NAPG: variants seen among roughly 807,000 people sequenced by gnomAD.
NAPG encodes gamma-soluble NSF attachment protein.
NAPG carries 25 observed loss-of-function variants against 48.4 expected under a neutral mutation model. The ratio of observed to expected loss-of-function variants is 0.52; its 90% confidence interval spans 0.38 to 0.72. The LOEUF (loss-of-function observed/expected upper bound fraction) is 0.72. Ranked by LOEUF, NAPG falls within the 30% of genes least tolerant of loss-of-function variation. The pLI, the probability that NAPG is intolerant of heterozygous loss-of-function variation, is 0.00. For missense variants in NAPG, 359 were observed against 372.5 expected (o/e 0.96, Z 0.30); for synonymous variants, 139 against 127.2 (o/e 1.09, Z -0.62).
chr18:10,529,559 C>T (rs540677351), intron 1 of NAPG, among the ~76,000 whole-genome samples: 6 of 152,098 alleles, frequency 3.9e-5, no homozygotes, highest in Non-Finnish European at 7.4e-5. Context: ...TTCGAGACCA[C>T]CTGGCCAACA....
In NAPG at chr18:10,532,790, T is replaced by C. The variant is rs780815873; in HGVS notation, c.204T>C (p.Asn68=). 3 of 1,571,624 alleles carry C rather than the reference T, an allele frequency of 1.9e-6. No homozygotes were observed. Among genetic ancestry groups the C allele is most frequent in the South Asian group, 2.4e-5 (2 of 84,642 alleles). Reference sequence around the variant, plus strand: ...GGGAAGCTGTTGCCCATGAAAATAATAGGGCGTATCTTTTTCAACTTTTAA... The same window carrying C: ...GGGAAGCTGTTGCCCATGAAAATAACAGGGCGTATCTTTTTCAACTTTTAA... ...CLREAVAHEN[N]RALFHAAKAY... is the part of the protein sequence containing the mutation. Residue 68 remains asparagine (N), a synonymous_variant, in exon 3 of 12, where the codon AAT becomes AAC. Coordinates refer to ENST00000322897, the MANE Select transcript of NAPG (RefSeq NM_003826.3).
intron 1 of NAPG, among the ~76,000 whole-genome samples, chr18:10,527,655 G>C (rs1157314922): frequency 6.6e-6 from 1 of 152,198 alleles, no homozygotes; most frequent in African/African-American, 2.4e-5. Flanking sequence ...GAAAAATACG[G>C]AATGTTTTAG....
In NAPG at chr18:10,542,754, G is replaced by T. The variant is rs2032182089; in HGVS notation, c.506+2355G>T. ...ATACTTTCTATGTTAGTGTAGCAAA[G>T]AATCTATTTAATATATTAATCTCTT... is the stretch of plus-strand genomic sequence containing the variant. On this transcript the variant is annotated intron_variant, in intron 8 of 11. Coordinates refer to ENST00000322897, the MANE Select transcript of NAPG (RefSeq NM_003826.3). The surrounding 1 kb of genome is among the most constrained non-coding windows in gnomAD (Gnocchi z 4.5). 6.6e-6 allele frequency among the ~76,000 whole-genome samples: 1 copy of T among 152,170 alleles called. No individual in the cohort carries two copies. The highest frequency in any genetic ancestry group is 2.1e-4 in the South Asian group (1 of 4,832).
At chr18:10,526,326 G>A in intron 1 of NAPG, 168 bp downstream of exon 1, 2 of 651,922 alleles carry the variant, frequency 3.1e-6, no homozygotes, top group Non-Finnish European at 5.2e-6. Context: ...TCACACTCCC[G>A]GGGTCGGGGT....
intron 5 of NAPG, among the ~76,000 whole-genome samples, chr18:10,535,630 G>C (rs554373586): frequency 3.1e-4 from 47 of 152,152 alleles, no homozygotes; most frequent in African/African-American, 1.1e-3. Flanking sequence ...GCATGGTGGC[G>C]GGCGCCTGTA....
At chr18:10,549,357 C>T (rs975368307) in intron 11 of NAPG, among the ~76,000 whole-genome samples, 3 of 152,184 alleles carry the variant, frequency 2.0e-5, no homozygotes, top group Non-Finnish European at 4.4e-5. Context: ...AATTGAGGCT[C>T]ATTTCTCCAC....
At position 10,550,465 on chromosome 18, in the gene NAPG, G is replaced by C. The variant is rs1012286953; in HGVS notation, c.*245G>C. 2.8e-6 allele frequency: 1 copy of C among 361,048 alleles called. No individual in the cohort carries two copies. The highest frequency in any genetic ancestry group is 4.9e-6 in the Non-Finnish European group (1 of 203,908). The allele number at this position is 361,048 out of a possible 1,614,324, so 22.4% of individuals were successfully genotyped here. On this transcript the variant is annotated 3_prime_UTR_variant, in exon 12 of 12. Transcript: ENST00000322897. ...AGCAGGAATTAACAGAAAATGTACT[G>C]TCATGTTTTAATACATTGATTAAAA...
At position 10,532,802 on chromosome 18, in the gene NAPG, T is replaced by C; in HGVS notation, c.209+7T>C. On this transcript the variant is annotated splice_region_variant and intron_variant, in intron 3 of 11. Transcript: ENST00000322897. Reference sequence around the variant, plus strand: ...CCCATGAAAATAATAGGGCGTATCTTTTTCAACTTTTAAAAAGAAATTAAA... The same window carrying C: ...CCCATGAAAATAATAGGGCGTATCTCTTTCAACTTTTAAAAAGAAATTAAA... The C allele has an allele frequency of 2.0e-6, 3 of 1,534,676 alleles. No homozygotes were observed. The highest frequency in any genetic ancestry group is 1.3e-5 in the South Asian group (1 of 77,940).
At position 10,542,858 on chromosome 18, in the gene NAPG, T is replaced by C. The variant is rs2032183732; in HGVS notation, c.506+2459T>C. 6.6e-6 allele frequency among the ~76,000 whole-genome samples: 1 copy of C among 152,174 alleles called. No homozygotes were observed. The highest frequency in any genetic ancestry group is 1.5e-5 in the Non-Finnish European group (1 of 68,034). On this transcript the variant is annotated intron_variant, in intron 8 of 11. Transcript: ENST00000322897. The surrounding 1 kb of genome is among the most constrained non-coding windows in gnomAD (Gnocchi z 4.5). ...TTAGATTACATCTGGGAAAAGTCAG[T>C]CCAAGGCCAGTGCCCTTGTTCCTTT... is the stretch of plus-strand genomic sequence containing the variant.
At chr18:10,528,727 A>G (rs1171198848) in intron 1 of NAPG, among the ~76,000 whole-genome samples, 1 of 151,812 alleles carries the variant, frequency 6.6e-6, no homozygotes, top group East Asian at 1.9e-4. Context: ...AAGATAGGGG[A>G]TATAGATTAA....
At chr18:10,529,964 C>G (rs2031894573) in intron 1 of NAPG, among the ~76,000 whole-genome samples, 1 of 152,062 alleles carries the variant, frequency 6.6e-6, no homozygotes, top group Non-Finnish European at 1.5e-5. Flanking sequence ...TATGCACACC[C>G]AAATTTGACA....
Position 10,549,072 on chromosome 18 carries a change from G to A in NAPG, c.771G>A (p.Pro257=), listed in dbSNP as rs375744787. 8.1e-6 allele frequency: 13 copies of A among 1,613,516 alleles called. No homozygotes were observed. Among genetic ancestry groups the A allele is most frequent in the East Asian group, 6.7e-5 (3 of 44,890 alleles). Residue 257 remains proline, a synonymous_variant, in exon 11 of 12, where the codon CCG becomes CCA. Coordinates refer to ENST00000322897, the MANE Select transcript of NAPG (RefSeq NM_003826.3). ...QDQVSDVCNS[P]LFKYMDNDYA... ...AGGTGTCAGATGTCTGCAACTCACC[G>A]CTTTTCAAGTACATGGACAATGATG...
rs374054603 is a variant in NAPG, at chr18:10,549,071, C to T, written c.770C>T (p.Pro257Leu). Residue 257 changes from proline (P) to leucine (L), a missense_variant, in exon 11 of 12, where the codon CCG (proline) becomes CTG (leucine). Transcript: ENST00000322897. Reference sequence around the variant, plus strand: ...CAGGTGTCAGATGTCTGCAACTCACCGCTTTTCAAGTACATGGACAATGAT... The same window carrying T: ...CAGGTGTCAGATGTCTGCAACTCACTGCTTTTCAAGTACATGGACAATGAT... ...QDQVSDVCNSPLFKYMDNDYA... is the reference protein window; with the variant it reads ...QDQVSDVCNSLLFKYMDNDYA... 8.1e-5 allele frequency: 130 copies of T among 1,613,478 alleles called. No individual in the cohort carries two copies. Among genetic ancestry groups the T allele is most frequent in the Middle Eastern group, 3.3e-4 (2 of 6,082 alleles).
Position 10,548,434 on chromosome 18 carries a change from A to G in NAPG, c.665+56A>G. 4 of 1,363,510 alleles carry G rather than the reference A, an allele frequency of 2.9e-6. No individual in the cohort carries two copies. Among genetic ancestry groups the G allele is most frequent in the South Asian group, 1.2e-5 (1 of 84,678 alleles). 84.5% of individuals were successfully genotyped at this position (1,363,510 alleles called of 1,614,324 possible). ...CAGTGGCGACACCTCTGTGTCTACA[A>G]CTAAGATTGCTGCTAGGACACATGT... On this transcript the variant is annotated intron_variant, in intron 10 of 11. Coordinates refer to ENST00000322897, the MANE Select transcript of NAPG (RefSeq NM_003826.3). The surrounding 1 kb of genome is among the most constrained non-coding windows in gnomAD (Gnocchi z 4.4).
intron 1 of NAPG, among the ~76,000 whole-genome samples, chr18:10,529,089 A>T (rs755743901): frequency 6.6e-6 from 1 of 152,230 alleles, no homozygotes; most frequent in African/African-American, 2.4e-5. Context: ...TTTCTTCCTT[A>T]TTAGTGGTGT....
chr18:10,548,989 G>A lies in NAPG; in HGVS notation c.688G>A (p.Glu230Lys), dbSNP rs766609585. ...CAGCATCCCTGGGTTCAATGGCAGT[G>A]AAGACTGTGCTGCCCTGGAACAGCT... is the stretch of plus-strand genomic sequence containing the variant. ...SYSIPGFNGS[E>K]DCAALEQLLE... The change falls in exon 11 of 12, where the codon GAA becomes AAA. Residue 230 changes from glutamate (E) to lysine (K), a missense_variant. Coordinates refer to ENST00000322897, the MANE Select transcript of NAPG (RefSeq NM_003826.3). The surrounding 1 kb of genome is among the most constrained non-coding windows in gnomAD (Gnocchi z 4.4). The A allele has an allele frequency of 6.2e-7, 1 of 1,613,854 alleles. No homozygotes were observed. The highest frequency in any genetic ancestry group is 8.5e-7 in the Non-Finnish European group (1 of 1,179,784).
intron 9 of NAPG, among the ~76,000 whole-genome samples, chr18:10,547,308 C>G (rs1169825650): frequency 6.6e-6 from 1 of 152,228 alleles, no homozygotes; most frequent in Non-Finnish European, 1.5e-5. Context: ...CATCTGTACT[C>G]TCCTGAAAAT....
intron 2 of NAPG, among the ~76,000 whole-genome samples, chr18:10,532,320 G>A (rs1012783829): frequency 3.3e-5 from 5 of 152,122 alleles, no homozygotes; most frequent in Admixed American, 1.3e-4. Context: ...CTACCTAATC[G>A]AATGACCTAT....
intron 2 of NAPG, among the ~76,000 whole-genome samples, chr18:10,531,420 C>T (rs1159271450): frequency 6.6e-6 from 1 of 152,100 alleles, no homozygotes; most frequent in African/African-American, 2.4e-5. Context: ...TTCTGAATTA[C>T]AGAATGATAG....
Sources: gnomAD v4.1 joint callset for allele counts (sites outside exome capture counted in the v4.1 genomes callset) on GRCh38, gnomAD v4.1.1 for gene constraint, Gnocchi (gnomAD v3.1) non-coding constraint, MANE v1.5 for transcripts, NCBI Gene and HGNC (gene_info 2026-07-23, HGNC 2026-07-21) for gene names.